SLC44A5: variants seen among roughly 807,000 people sequenced by gnomAD.
The protein encoded by SLC44A5 is solute carrier family 44 member 5.
A neutral mutation model predicts 101.8 loss-of-function variants in SLC44A5; 57 were observed. That is an observed-to-expected ratio of 0.56 (90% CI 0.45 to 0.70). The LOEUF (loss-of-function observed/expected upper bound fraction) is 0.70. Ranked by LOEUF, SLC44A5 falls within the 30% of genes least tolerant of loss-of-function variation. SLC44A5 has a pLI of 0.00. For synonymous variants in SLC44A5, 281 were observed against 290.9 expected (o/e 0.97, Z 0.35); for missense variants, 737 against 853.1 (o/e 0.86, Z 1.70).
At chr1:75,417,199 TC>T (rs1221169335) in intron 2 of SLC44A5, among the ~76,000 whole-genome samples, 2 of 152,122 alleles carry the variant, frequency 1.3e-5, no homozygotes, top group African/African-American at 4.8e-5. Context: ...GACAGGTTTT[TC>T]CCCTGCTGTT....
chr1:75,497,076 T>G (rs1221682101), intron 2 of SLC44A5, among the ~76,000 whole-genome samples: 1 of 152,062 alleles, frequency 6.6e-6, no homozygotes, highest in Non-Finnish European at 1.5e-5. Flanking sequence ...GTATGGAAGC[T>G]CCTCAAAAAA....
the SLC44A5 span, among the ~76,000 whole-genome samples, chr1:75,628,912 T>C: frequency 1.3e-5 from 2 of 152,070 alleles, no homozygotes. Context: ...AGACAAAGAA[T>C]TTTGCAAGGG....
intron 2 of SLC44A5, among the ~76,000 whole-genome samples, chr1:75,446,170 G>A (rs1245996702): frequency 6.6e-6 from 1 of 152,082 alleles, no homozygotes; most frequent in African/African-American, 2.4e-5. Flanking sequence ...TTTTAAAAAC[G>A]GATCAAGTCA....
intron 5 of SLC44A5, among the ~76,000 whole-genome samples, chr1:75,284,160 C>T (rs1463174213): frequency 1.3e-5 from 2 of 152,082 alleles, no homozygotes; most frequent in African/African-American, 4.8e-5. Flanking sequence ...TTGTTTCTGT[C>T]ATCTATGATT....
At chr1:75,714,342 A>G in the SLC44A5 span, among the ~76,000 whole-genome samples, 1 of 152,212 alleles carries the variant, frequency 6.6e-6, no homozygotes, top group Non-Finnish European at 1.5e-5. Flanking sequence ...CGTCATGTTA[A>G]AAACCCTCAA....
chr1:75,590,476 GCA>G (rs1257911914), intron 1 of SLC44A5, among the ~76,000 whole-genome samples: 1 of 152,156 alleles, frequency 6.6e-6, no homozygotes, highest in African/African-American at 2.4e-5. Context: ...TGCCACAGAG[GCA>G]TACAGCACCA....
At chr1:75,235,740 A>T (rs970124903) in intron 11 of SLC44A5, among the ~76,000 whole-genome samples, 1 of 152,056 alleles carries the variant, frequency 6.6e-6, no homozygotes, top group African/African-American at 2.4e-5. Flanking sequence ...ATCTTGCTCC[A>T]CTAGTGTTTT....
chr1:75,601,335 T>C (rs571578837), intron 1 of SLC44A5, among the ~76,000 whole-genome samples: 1 of 115,910 alleles, frequency 8.6e-6, no homozygotes, highest in South Asian at 2.7e-4. Context: ...TGAGAACACA[T>C]GGACACAGGG....
chr1:75,676,528 C>T, the SLC44A5 span, among the ~76,000 whole-genome samples: 13 of 152,166 alleles, frequency 8.5e-5, no homozygotes, highest in Middle Eastern at 3.4e-3. Flanking sequence ...GAATAACACA[C>T]ACTGGGGCTT....
At chr1:75,580,369 T>G (rs1673616295) in intron 1 of SLC44A5, among the ~76,000 whole-genome samples, 1 of 152,194 alleles carries the variant, frequency 6.6e-6, no homozygotes, top group Non-Finnish European at 1.5e-5. Flanking sequence ...AATGTGTGGT[T>G]TGAGAGTCAG....
At chr1:75,619,219 C>T in the SLC44A5 span, among the ~76,000 whole-genome samples, 10 of 139,750 alleles carry the variant, frequency 7.2e-5, no homozygotes, top group East Asian at 1.3e-3. Context: ...AAGAAAGGGA[C>T]GGAGAGCAGG....
chr1:75,252,226 GCT>G (rs1649637459), intron 6 of SLC44A5, among the ~76,000 whole-genome samples: 1 of 152,176 alleles, frequency 6.6e-6, no homozygotes, highest in Non-Finnish European at 1.5e-5. Context: ...AAGAAACACA[GCT>G]CTAAATATTC....
the SLC44A5 span, chr1:75,641,720 T>C: frequency 6.4e-7 from 1 of 1,565,608 alleles, no homozygotes; most frequent in Non-Finnish European, 8.8e-7. Flanking sequence ...ATTCAAGTCA[T>C]TGATTACAAA....
At chr1:75,473,022 G>C (rs1667194090) in intron 2 of SLC44A5, among the ~76,000 whole-genome samples, 1 of 152,162 alleles carries the variant, frequency 6.6e-6, no homozygotes, top group Admixed American at 6.5e-5. Flanking sequence ...AGTATTCCTA[G>C]TCCTCGTGTA....
intron 2 of SLC44A5, among the ~76,000 whole-genome samples, chr1:75,418,280 T>C (rs1663785795): frequency 6.6e-6 from 1 of 152,142 alleles, no homozygotes; most frequent in Admixed American, 6.5e-5. Flanking sequence ...AGCCTAGGAA[T>C]ACAAGAACGT....
the SLC44A5 span, among the ~76,000 whole-genome samples, chr1:75,623,347 A>G: frequency 1.3e-5 from 2 of 152,068 alleles, no homozygotes; most frequent in African/African-American, 2.4e-5. Flanking sequence ...ACTAGGCAAA[A>G]AGTAGGGAAA....
chr1:75,599,016 A>C (rs1467855579), intron 1 of SLC44A5, among the ~76,000 whole-genome samples: 1 of 152,228 alleles, frequency 6.6e-6, no homozygotes, highest in Non-Finnish European at 1.5e-5. Context: ...TAATTATGCC[A>C]GTTATGCTAA....
chr1:75,372,536 A>AGT (rs57187191), intron 3 of SLC44A5, among the ~76,000 whole-genome samples: 75,679 of 151,820 alleles, frequency 0.5, 20,434 homozygotes, highest in East Asian at 0.94. Flanking sequence ...ATGTACATAT[A>AGT]GTGAAGTGAA....
chr1:75,286,009 G>A (rs560538987), intron 5 of SLC44A5, among the ~76,000 whole-genome samples: 17 of 152,038 alleles, frequency 1.1e-4, no homozygotes, highest in Non-Finnish European at 2.5e-4. Context: ...TATAGTTTAA[G>A]TCCATTGTTG....
Sources: gnomAD v4.1 joint callset for allele counts (sites outside exome capture counted in the v4.1 genomes callset) on GRCh38, gnomAD v4.1.1 for gene constraint, MANE v1.5 for transcripts, NCBI Gene and HGNC (gene_info 2026-07-23, HGNC 2026-07-21) for gene names.